The following DLGAP2 variants were observed in gnomAD, a reference collection of about 807,000 sequenced individuals.
DLGAP2 encodes DLG associated protein 2.
In DLGAP2, 26 loss-of-function variants were observed where a neutral mutation model predicts 100.3. The ratio of observed to expected loss-of-function variants is 0.26; its 90% CI spans 0.19 to 0.36. The LOEUF (loss-of-function observed/expected upper bound fraction) is 0.36. Ranked by LOEUF, DLGAP2 falls within the 10% of genes least tolerant of loss-of-function variation. The pLI is 1.00. For synonymous variants in DLGAP2, 886 were observed against 630.1 expected (o/e 1.41, Z -6.08); for missense variants, 1,858 against 1,453.2 (o/e 1.28, Z -4.53).
At chr8:1,561,743 G>T (rs2956903) in intron 5 of DLGAP2, among the ~76,000 whole-genome samples, 27,498 of 106,436 alleles carry the variant, frequency 0.26, 3,502 homozygotes, top group Middle Eastern at 0.38. Flanking sequence ...GTTTCTGGGG[G>T]ACTGTGTGGT....
intron 2 of DLGAP2, among the ~76,000 whole-genome samples, chr8:1,124,651 C>A (rs1211884683): frequency 2.0e-5 from 3 of 152,218 alleles, no homozygotes; most frequent in Non-Finnish European, 2.9e-5. Context: ...AGGAAACCTG[C>A]ATTTTAGCTA....
chr8:1,022,762 G>A (rs1239107577), intron 2 of DLGAP2, among the ~76,000 whole-genome samples: 1 of 151,038 alleles, frequency 6.6e-6, no homozygotes, highest in Non-Finnish European at 1.5e-5. Context: ...ACCCTCCCTG[G>A]GAGTGGACAG....
intron 4 of DLGAP2, among the ~76,000 whole-genome samples, chr8:1,548,200 C>T (rs545267002): frequency 6.6e-6 from 1 of 152,212 alleles, no homozygotes; most frequent in South Asian, 2.1e-4. Context: ...TGGCTCATAT[C>T]TGTAATCCCA....
intron 2 of DLGAP2, among the ~76,000 whole-genome samples, chr8:1,085,223 C>G (rs1803935988): frequency 1.3e-5 from 2 of 152,124 alleles, no homozygotes; most frequent in African/African-American, 4.8e-5. Context: ...TCTTTTCTTT[C>G]TATAGAGTTG....
chr8:1,060,800 C>T (rs1803058036), intron 2 of DLGAP2, among the ~76,000 whole-genome samples: 1 of 152,202 alleles, frequency 6.6e-6, no homozygotes, highest in African/African-American at 2.4e-5. Context: ...ACATGCTGAC[C>T]TCCCTGTGGG....
chr8:1,660,322 G>T (rs10113152), intron 8 of DLGAP2, among the ~76,000 whole-genome samples: 86 of 152,130 alleles, frequency 5.7e-4, no homozygotes, highest in Middle Eastern at 3.4e-3. Flanking sequence ...TTTTCTAGCT[G>T]CCTAAAAATA....
chr8:1,176,134 C>G lies in DLGAP2; in HGVS notation c.74-82717C>G, dbSNP rs537459128. Among the ~76,000 whole-genome samples, 8 of 152,252 alleles carry G rather than the reference C, an allele frequency of 5.3e-5. No homozygotes were observed. In the South Asian group the frequency reaches 1.7e-3, roughly 32 times the overall value. On this transcript the variant is annotated intron_variant, in intron 2 of 14. Transcript: ENST00000637795. ...TCACAGTTCCACATGGCTGGAGAGG[C>G]CTCAGGAAACTTACAATTGTGGTGG...
intron 1 of DLGAP2, among the ~76,000 whole-genome samples, chr8:841,201 G>A (rs1796977777): frequency 6.6e-6 from 1 of 152,130 alleles, no homozygotes; most frequent in East Asian, 1.9e-4. Context: ...AGTTATCAAG[G>A]AATGAATTGG....
intron 12 of DLGAP2, among the ~76,000 whole-genome samples, chr8:1,687,173 C>G (rs1799137013): frequency 6.6e-6 from 1 of 152,156 alleles, no homozygotes; most frequent in Non-Finnish European, 1.5e-5. Flanking sequence ...ATGATCATTT[C>G]CGACTCTCTG....
At chr8:803,497 A>T (rs1211271244) in intron 1 of DLGAP2, among the ~76,000 whole-genome samples, 1 of 151,978 alleles carries the variant, frequency 6.6e-6, no homozygotes, top group East Asian at 1.9e-4. Context: ...GGGAAATGGG[A>T]GCCCAGGAAA....
intron 2 of DLGAP2, among the ~76,000 whole-genome samples, chr8:1,084,378 T>A (rs1803906049): frequency 6.6e-6 from 1 of 152,200 alleles, no homozygotes; most frequent in Non-Finnish European, 1.5e-5. Context: ...TATTTAACAT[T>A]TTTTGTGATG....
At chr8:1,668,825 C>T (rs1453752111) in intron 9 of DLGAP2, 147 bp downstream of exon 9, 2 of 815,026 alleles carry the variant, frequency 2.5e-6, no homozygotes, top group South Asian at 1.9e-5. Context: ...CAGGGCTGTG[C>T]GTTCGCCTTG....
chr8:907,660 A>G (rs1334170180), intron 1 of DLGAP2, among the ~76,000 whole-genome samples: 1 of 152,226 alleles, frequency 6.6e-6, no homozygotes, highest in Non-Finnish European at 1.5e-5. Flanking sequence ...AGGGGCATCC[A>G]TTAAACCCGG....
intron 8 of DLGAP2, among the ~76,000 whole-genome samples, chr8:1,667,041 G>A (rs373561380): frequency 1.2e-4 from 19 of 152,214 alleles, no homozygotes; most frequent in African/African-American, 4.3e-4. Flanking sequence ...GTCACAAGCA[G>A]CCTGGCAGTG....
intron 2 of DLGAP2, among the ~76,000 whole-genome samples, chr8:985,283 C>T (rs533835651): frequency 1.2e-4 from 18 of 152,308 alleles, no homozygotes; most frequent in African/African-American, 3.8e-4. Flanking sequence ...TCCTTCAGCA[C>T]GGTCTCATGT....
intron 3 of DLGAP2, among the ~76,000 whole-genome samples, chr8:1,456,929 G>A (rs1798333165): frequency 6.6e-6 from 1 of 152,054 alleles, no homozygotes; most frequent in African/African-American, 2.4e-5. Context: ...GCCCCGAGCG[G>A]TCTCTCAGTG....
chr8:906,647 C>A (rs1418909281), intron 1 of DLGAP2, among the ~76,000 whole-genome samples: 2 of 152,174 alleles, frequency 1.3e-5, no homozygotes, highest in African/African-American at 4.8e-5. Context: ...ATACCGACAG[C>A]TTCCACGTGG....
intron 2 of DLGAP2, among the ~76,000 whole-genome samples, chr8:1,158,644 C>G (rs1300180627): frequency 1.3e-5 from 2 of 152,204 alleles, no homozygotes; most frequent in African/African-American, 4.8e-5. Flanking sequence ...GTTGTTTGAA[C>G]CCGCAGACGG....
At chr8:1,049,459 G>A (rs150973765) in intron 2 of DLGAP2, among the ~76,000 whole-genome samples, 40 of 152,140 alleles carry the variant, frequency 2.6e-4, no homozygotes, top group African/African-American at 7.9e-4. Context: ...CCTGCTTAAC[G>A]TCACACGGGA....
Sources: allele counts gnomAD v4.1 joint callset (sites outside exome capture counted in the v4.1 genomes callset), GRCh38; gene constraint gnomAD v4.1.1; transcripts MANE v1.5; gene names NCBI Gene and HGNC (gene_info 2026-07-23, HGNC 2026-07-21).